Variants in CTNNA2 observed in about 807,000 individuals in gnomAD.
CTNNA2 encodes the protein catenin alpha-2.
CTNNA2 carries 42 observed loss-of-function variants against 101.0 expected under a neutral mutation model. The observed-to-expected ratio is 0.42, with a 90% CI of 0.32 to 0.54. CTNNA2 has a LOEUF of 0.54. Among genes scored for constraint, CTNNA2 ranks in the 20% least tolerant of loss-of-function variants. The pLI, the probability that CTNNA2 is intolerant of heterozygous loss-of-function variation, is 0.14. For missense variants in CTNNA2, 871 were observed against 1,223.1 expected (o/e 0.71, Z 4.29); for synonymous variants, 450 against 456.4 (o/e 0.99, Z 0.18).
At chr2:79,556,667 C>G (rs1674465897) in intron 1 of CTNNA2, among the ~76,000 whole-genome samples, 1 of 151,940 alleles carries the variant, frequency 6.6e-6, no homozygotes, top group Non-Finnish European at 1.5e-5. Context: ...ATTGTTAACA[C>G]CTTTTGTCTT....
chr2:80,102,832 A>G (rs1245502900), intron 7 of CTNNA2, among the ~76,000 whole-genome samples: 4 of 152,188 alleles, frequency 2.6e-5, no homozygotes, highest in East Asian at 3.9e-4. Context: ...AAATAAATGT[A>G]AAAAGCAACT....
At chr2:80,401,960 T>G (rs1010825641) in intron 8 of CTNNA2, among the ~76,000 whole-genome samples, 1 of 152,184 alleles carries the variant, frequency 6.6e-6, no homozygotes, top group African/African-American at 2.4e-5. Context: ...TAACTTCAGA[T>G]TTCATAGACT....
intron 2 of CTNNA2, among the ~76,000 whole-genome samples, chr2:79,226,240 A>G (rs1674407147): frequency 6.6e-6 from 1 of 152,148 alleles, no homozygotes; most frequent in African/African-American, 2.4e-5. Context: ...TGAAAAATAA[A>G]CTTCACTGTC....
intron 12 of CTNNA2, among the ~76,000 whole-genome samples, chr2:80,567,488 A>AG (rs1694162998): frequency 6.6e-6 from 1 of 152,120 alleles, no homozygotes; most frequent in Admixed American, 6.6e-5. Context: ...GGGCAACTTT[A>AG]GGGCCCCAGT....
At chr2:79,784,342 G>A (rs548138374) in intron 3 of CTNNA2, among the ~76,000 whole-genome samples, 16 of 151,738 alleles carry the variant, frequency 1.1e-4, no homozygotes, top group South Asian at 4.2e-4. Context: ...TTATGACCAC[G>A]GGAACTTCTC....
At chr2:79,419,663 G>A (rs1678520598) in intron 4 of CTNNA2, among the ~76,000 whole-genome samples, 1 of 152,050 alleles carries the variant, frequency 6.6e-6, no homozygotes, top group Admixed American at 6.6e-5. Flanking sequence ...TATCTTTGGG[G>A]TTTTCTAGTA....
chr2:80,161,951 A>G (rs1223938026), intron 7 of CTNNA2, among the ~76,000 whole-genome samples: 2 of 152,184 alleles, frequency 1.3e-5, no homozygotes, highest in Non-Finnish European at 2.9e-5. Flanking sequence ...CCTAAATTAT[A>G]TAAGAAGATA....
chr2:79,595,680 G>GCTAC (rs879921434), intron 1 of CTNNA2, among the ~76,000 whole-genome samples: 1 of 151,890 alleles, frequency 6.6e-6, no homozygotes, highest in Non-Finnish European at 1.5e-5. Context: ...CTCTCGCTAC[G>GCTAC]CTACCTTAAT....
At position 79,494,376 on chromosome 2, in the gene CTNNA2, G is replaced by A. The variant is rs552066014; in HGVS notation, c.-134-10678G>A. On this transcript the variant is annotated intron_variant, in intron 4 of 21. Coordinates refer to the CTNNA2 transcript ENST00000466387. ...AAATCAGTCTTGAAAAAGGAAACAT[G>A]AATTTGGAAGACTCACGTTTCTGGA... 1.9e-4 allele frequency among the ~76,000 whole-genome samples: 29 copies of A among 151,586 alleles called. 1 individual carries two copies. The highest frequency in any genetic ancestry group is 6.8e-4 in the African/African-American group (28 of 41,306).
chr2:80,117,095 T>A (rs557107596), intron 7 of CTNNA2, among the ~76,000 whole-genome samples: 45 of 152,270 alleles, frequency 3.0e-4, no homozygotes, highest in South Asian at 8.3e-4. Context: ...TATGAAGGTG[T>A]CAGTTGTCGA....
intron 4 of CTNNA2, among the ~76,000 whole-genome samples, chr2:79,379,646 T>C (rs1678017561): frequency 6.6e-6 from 1 of 152,182 alleles, no homozygotes; most frequent in African/African-American, 2.4e-5. Flanking sequence ...TTCACACTTG[T>C]CCAACAATTT....
At chr2:79,555,908 A>G (rs1218328185) in intron 1 of CTNNA2, among the ~76,000 whole-genome samples, 3 of 152,096 alleles carry the variant, frequency 2.0e-5, no homozygotes, top group Non-Finnish European at 4.4e-5. Flanking sequence ...TCTCAGTGAA[A>G]TGTAAGAAAT....
chr2:80,603,546 A>G (rs1399419117), intron 15 of CTNNA2: 6 of 152,098 alleles, frequency 3.9e-5, no homozygotes, highest in African/African-American at 1.4e-4. Flanking sequence ...TAAATAATAG[A>G]ATATAAATAT....
intron 4 of CTNNA2, among the ~76,000 whole-genome samples, chr2:79,447,917 C>T (rs1678851238): frequency 6.6e-6 from 1 of 152,012 alleles, no homozygotes; most frequent in Non-Finnish European, 1.5e-5. Context: ...TCAGTCCCAC[C>T]TCCCTTTTGT....
chr2:79,760,079 G>T (rs761525915), intron 3 of CTNNA2, among the ~76,000 whole-genome samples: 1 of 152,138 alleles, frequency 6.6e-6, no homozygotes, highest in Non-Finnish European at 1.5e-5. Context: ...TTTATTAACT[G>T]TGTGGTGTTG....
At chr2:80,348,101 T>C (rs1339889892) in intron 7 of CTNNA2, among the ~76,000 whole-genome samples, 1 of 152,140 alleles carries the variant, frequency 6.6e-6, no homozygotes, top group Non-Finnish European at 1.5e-5. Context: ...ATGTGAATGG[T>C]GAAGAGTTGA....
At chr2:80,576,735 G>GGT (rs1477338189) in intron 13 of CTNNA2, among the ~76,000 whole-genome samples, 1 of 149,128 alleles carries the variant, frequency 6.7e-6, no homozygotes, top group Non-Finnish European at 1.5e-5. Context: ...GATCACCTGA[G>GGT]GTCGGGAGTT....
At chr2:79,407,580 A>G (rs1013380097) in intron 4 of CTNNA2, among the ~76,000 whole-genome samples, 3 of 151,912 alleles carry the variant, frequency 2.0e-5, no homozygotes, top group Admixed American at 6.6e-5. Flanking sequence ...TACCCTCTCC[A>G]TAGTACCCTC....
intron 7 of CTNNA2, among the ~76,000 whole-genome samples, chr2:80,176,250 C>T (rs541098703): frequency 1.8e-4 from 27 of 152,322 alleles, no homozygotes; most frequent in African/African-American, 5.8e-4. Flanking sequence ...ATCCTTTGTA[C>T]TACCAGAAAC....
Sources: gnomAD v4.1 joint callset for allele counts (sites outside exome capture counted in the v4.1 genomes callset) on GRCh38, gnomAD v4.1.1 for gene constraint, MANE v1.5 for transcripts, NCBI Gene and HGNC (gene_info 2026-07-23, HGNC 2026-07-21) for gene names.